Variants in RBFOX1 observed in about 807,000 individuals in gnomAD.
RBFOX1 encodes RNA binding protein fox-1 homolog 1.
A neutral mutation model predicts 57.7 loss-of-function variants in RBFOX1; 8 were observed. The ratio of observed to expected loss-of-function variants is 0.14; its 90% CI spans 0.08 to 0.25. RBFOX1 has a LOEUF of 0.25. RBFOX1 is among the 10% of genes least tolerant of loss of function. RBFOX1 has a pLI of 1.00. For synonymous variants in RBFOX1, 326 were observed against 222.4 expected, an observed-to-expected ratio of 1.47 and a Z score of -4.15; for missense variants, 611 against 548.5, an observed-to-expected ratio of 1.11 and a Z score of -1.14.
chr16:7,047,221 C>A (rs966134859), intron 3 of RBFOX1, among the ~76,000 whole-genome samples: 3 of 151,950 alleles, frequency 2.0e-5, no homozygotes, highest in African/African-American at 4.8e-5. Context: ...CTTCCTATAG[C>A]GATTATTTTA....
At chr16:7,312,651 C>G (rs2096343117) in intron 4 of RBFOX1, among the ~76,000 whole-genome samples, 1 of 152,084 alleles carries the variant, frequency 6.6e-6, no homozygotes, top group African/African-American at 2.4e-5. Context: ...AATATGGCTA[C>G]ACAGCTCAAT....
chr16:7,094,872 G>C (rs1170817796), intron 4 of RBFOX1, among the ~76,000 whole-genome samples: 1 of 151,306 alleles, frequency 6.6e-6, no homozygotes, highest in Non-Finnish European at 1.5e-5. Context: ...ATAACATTTG[G>C]ATAACGTGTT....
intron 1 of RBFOX1, among the ~76,000 whole-genome samples, chr16:6,109,624 A>G (rs1411456782): frequency 6.6e-6 from 1 of 152,192 alleles, no homozygotes; most frequent in Non-Finnish European, 1.5e-5. Flanking sequence ...TTGCCTGGGT[A>G]AGTTATAAAT....
intron 4 of RBFOX1, among the ~76,000 whole-genome samples, chr16:7,137,947 G>A (rs2152067216): frequency 6.6e-6 from 1 of 152,264 alleles, no homozygotes; most frequent in Middle Eastern, 3.4e-3. Context: ...ATATTTCAGT[G>A]AGTTAGCCTC....
rs5815263 is a variant in RBFOX1, at chr16:5,689,805, C to CAA, written c.318+90854_318+90855dup. ...AATCATTTTAATAAGAAATACAGAC[C>CAA]AAAAAAAAAAAGAAGGAACACATTT... On this transcript the variant is annotated intron_variant, in intron 3 of 19. Transcript: ENST00000641259. 2.1e-3 allele frequency among the ~76,000 whole-genome samples: 304 copies of CAA among 146,214 alleles called. 2 individuals are homozygous for CAA. Among genetic ancestry groups the CAA allele is most frequent in the South Asian group, 4.5e-3 (21 of 4,626 alleles).
chr16:6,202,449 C>T (rs749240601), intron 1 of RBFOX1, among the ~76,000 whole-genome samples: 45 of 151,878 alleles, frequency 3.0e-4, no homozygotes, highest in Non-Finnish European at 5.3e-4. Context: ...AGGAGGACAC[C>T]GAGGCTTGGA....
chr16:5,923,128 T>C (rs959520011), intron 4 of RBFOX1, among the ~76,000 whole-genome samples: 2 of 152,176 alleles, frequency 1.3e-5, no homozygotes, highest in East Asian at 1.9e-4. Flanking sequence ...ATGATGCATA[T>C]GAGAGATCAG....
chr16:5,820,805 G>A (rs965488199), intron 3 of RBFOX1, among the ~76,000 whole-genome samples: 2 of 152,188 alleles, frequency 1.3e-5, no homozygotes, highest in Admixed American at 6.5e-5. Context: ...AGACAAGCCA[G>A]TCTAGATCCA....
intron 3 of RBFOX1, among the ~76,000 whole-genome samples, chr16:5,613,647 C>T (rs549770829): frequency 6.6e-6 from 1 of 152,242 alleles, no homozygotes; most frequent in Admixed American, 6.5e-5. Flanking sequence ...GGAGGCAGTC[C>T]AGTACCAGGA....
At chr16:6,003,088 G>C (rs1028942541) in intron 4 of RBFOX1, among the ~76,000 whole-genome samples, 1 of 151,938 alleles carries the variant, frequency 6.6e-6, no homozygotes, top group African/African-American at 2.4e-5. Context: ...GATCATCCTG[G>C]CTAACATGGT....
chr16:6,310,034 C>G (rs1012269395), intron 1 of RBFOX1, among the ~76,000 whole-genome samples: 2 of 152,030 alleles, frequency 1.3e-5, no homozygotes, highest in Non-Finnish European at 2.9e-5. Context: ...AATATAGGTG[C>G]CTGCCACCAC....
chr16:6,507,077 CCT>C (rs1465894358), intron 2 of RBFOX1, among the ~76,000 whole-genome samples: 1 of 152,138 alleles, frequency 6.6e-6, no homozygotes, highest in Non-Finnish European at 1.5e-5. Flanking sequence ...TCAAATCCTA[CCT>C]CCAAGGTACA....
At chr16:6,680,785 C>T (rs1027385658) in intron 3 of RBFOX1, among the ~76,000 whole-genome samples, 2 of 152,162 alleles carry the variant, frequency 1.3e-5, no homozygotes, top group Non-Finnish European at 2.9e-5. Flanking sequence ...GGGCACCTAA[C>T]TTTGCAAACC....
At chr16:7,355,875 C>G (rs2097206243) in intron 4 of RBFOX1, among the ~76,000 whole-genome samples, 1 of 152,270 alleles carries the variant, frequency 6.6e-6, no homozygotes, top group African/African-American at 2.4e-5. Context: ...TCCACCTGCT[C>G]TGCCCAGGCT....
intron 3 of RBFOX1, among the ~76,000 whole-genome samples, chr16:5,679,441 C>A (rs2151432994): frequency 6.6e-6 from 1 of 151,848 alleles, no homozygotes; most frequent in South Asian, 2.1e-4. Context: ...ACCTATCAAC[C>A]CATCATCTAG....
At chr16:6,066,293 C>CAAAAAAAAAAAAAAAAAAAAAAA (rs372412356) in intron 1 of RBFOX1, among the ~76,000 whole-genome samples, 4 of 50,400 alleles carry the variant, frequency 7.9e-5, no homozygotes, top group African/African-American at 1.4e-4. Context: ...GACTCTGTCT[C>CAAAAAAAAAAAAAAAAAAAAAAA]AAAAAAAAAA....
chr16:5,297,152 A>C (rs2063690163), intron 1 of RBFOX1, among the ~76,000 whole-genome samples: 1 of 152,184 alleles, frequency 6.6e-6, no homozygotes, highest in African/African-American at 2.4e-5. Flanking sequence ...TTATCCATTT[A>C]TCTTTTGATG....
rs947407840 is a variant in RBFOX1 at position 5,276,860 on chromosome 16, C to T, written c.219+36755C>T. On this transcript the variant is annotated intron_variant, in intron 1 of 2. Coordinates refer to the RBFOX1 transcript ENST00000585867. ...CTGATGGTGGGAATGTAAGCTAGTA[C>T]CATCACTATGGAAAGCAGTATGGAG... 3.2e-4 allele frequency among the ~76,000 whole-genome samples: 48 copies of T among 152,060 alleles called. 1 individual carries two copies. Among genetic ancestry groups the T allele is most frequent in the Non-Finnish European group, 2.9e-5 (2 of 68,020 alleles).
intron 1 of RBFOX1, among the ~76,000 whole-genome samples, chr16:6,043,120 G>GAAAAAAAAAAAAAAAAAAAAAAAA (rs570358262): frequency 1.4e-5 from 1 of 70,254 alleles, no homozygotes; most frequent in Non-Finnish European, 2.6e-5. Flanking sequence ...TGTGTTTCCA[G>GAAAAAAAAAAAAAAAAAAAAAAAA]AAAAAAAAAA....
Sources: allele counts gnomAD v4.1 joint callset (sites outside exome capture counted in the v4.1 genomes callset), GRCh38; gene constraint gnomAD v4.1.1; transcripts MANE v1.5; gene names NCBI Gene and HGNC (gene_info 2026-07-23, HGNC 2026-07-21).